The following CFAP46 variants were observed in gnomAD, a reference collection of about 807,000 sequenced individuals.
CFAP46 encodes the protein cilia and flagella associated protein 46.
In CFAP46, 245 loss-of-function variants were observed where a neutral mutation model predicts 325.7. The ratio of observed to expected loss-of-function variants is 0.75; its 90% CI spans 0.68 to 0.84. The LOEUF is 0.84. Ranked by LOEUF, CFAP46 falls within the 40% of genes least tolerant of loss-of-function variation. The pLI is 0.00. For missense variants in CFAP46, 3,346 were observed against 3,543.0 expected, an observed-to-expected ratio of 0.94 and a Z score of 1.41; for synonymous variants, 1,523 against 1,495.9, an observed-to-expected ratio of 1.02 and a Z score of -0.42.
rs1406314051 is a variant in CFAP46, at chr10:132,828,302, A to G, written c.7117+5056T>C. On this transcript the variant is annotated intron_variant, in intron 50 of 57. Transcript: ENST00000368586. This position sits in a 1 kb window ranked among gnomAD's most constrained non-coding sequence, Gnocchi z 4.9. Reference sequence around the variant, plus strand: ...AACTGTCTTCCAAAGTGGCTCCAGCATTCACCATTCCCACCAGCCGAGTAT... The same window carrying G: ...AACTGTCTTCCAAAGTGGCTCCAGCGTTCACCATTCCCACCAGCCGAGTAT... Among the ~76,000 whole-genome samples the G allele has an allele frequency of 6.6e-6, 1 of 152,220 alleles. No homozygotes were observed. The highest frequency in any genetic ancestry group is 2.4e-5 in the African/African-American group (1 of 41,462).
chr10:132,912,602 CTCCTCTCT>C, intron 19 of CFAP46, 45 bp downstream of exon 19: 2 of 1,408,860 alleles, frequency 1.4e-6, no homozygotes, highest in Non-Finnish European at 9.4e-7. Flanking sequence ...TCTCTCCTCT[CTCCTCTCT>C]CTCTCTCTCT....
chr10:132,822,192 ACTGTGTG>A, intron 50 of CFAP46, among the ~76,000 whole-genome samples: 1 of 81,216 alleles, frequency 1.2e-5, no homozygotes, highest in South Asian at 4.6e-4. Context: ...TGATGTGTGC[ACTGTGTG>A]CTGTGTGTGT....
chr10:132,908,671 G>A lies in CFAP46; in HGVS notation c.2758-37C>T, dbSNP rs1849495465. 2.7e-6 allele frequency: 4 copies of A among 1,494,938 alleles called. No homozygotes were observed. In the South Asian group the frequency reaches 4.0e-5, roughly 15 times the overall value. 92.6% of individuals were successfully genotyped at this position (1,494,938 alleles called of 1,614,324 possible). ...TGGCAAGAGAAGGGGCACCGTGTTA[G>A]CAACAACGAACTTCCCACGGCCTGC... On this transcript the variant is annotated intron_variant, in intron 21 of 57. Transcript: ENST00000368586.
chr10:132,823,507 T>TGC (rs1847941221), intron 50 of CFAP46, among the ~76,000 whole-genome samples: 1 of 127,482 alleles, frequency 7.8e-6, no homozygotes, highest in Non-Finnish European at 1.7e-5. Flanking sequence ...GTGTGCTGTG[T>TGC]GCTGATGTGT....
intron 55 of CFAP46, among the ~76,000 whole-genome samples, 163 bp from the exon 56 acceptor site, chr10:132,811,194 A>AC (rs1847575380): frequency 6.6e-6 from 1 of 151,716 alleles, no homozygotes; most frequent in African/African-American, 2.4e-5. Context: ...TTTTCCAGGG[A>AC]CCCCCTGGCC....
chr10:132,926,157 T>C (rs1344461859), intron 10 of CFAP46, among the ~76,000 whole-genome samples: 4 of 152,192 alleles, frequency 2.6e-5, no homozygotes, highest in African/African-American at 9.7e-5. Flanking sequence ...GGGCCGGCGG[T>C]GGCTTTTGCC....
intron 24 of CFAP46, among the ~76,000 whole-genome samples, chr10:132,898,342 A>G (rs1160323433): frequency 6.6e-6 from 1 of 152,212 alleles, no homozygotes; most frequent in African/African-American, 2.4e-5. Flanking sequence ...GTGCCCAGCG[A>G]GAAGCTGGCC....
chr10:132,920,805 G>A (rs1016436740), intron 13 of CFAP46, among the ~76,000 whole-genome samples: 18 of 152,178 alleles, frequency 1.2e-4, no homozygotes, highest in African/African-American at 3.4e-4. Flanking sequence ...GCAGGGCCCC[G>A]CAGCACCTCC....
intron 8 of CFAP46, among the ~76,000 whole-genome samples, chr10:132,931,084 C>G: frequency 2.3e-5 from 2 of 87,426 alleles, no homozygotes; most frequent in East Asian, 4.4e-4. Context: ...CCACACAGAG[C>G]CTGGGCCTCC....
At chr10:132,903,006 C>T (rs112316465) in intron 22 of CFAP46, among the ~76,000 whole-genome samples, 12,468 of 145,224 alleles carry the variant, frequency 0.086, 1,510 homozygotes, top group African/African-American at 0.25. Flanking sequence ...CAGTGAGTTA[C>T]GCCCCAGTGT....
At chr10:132,923,485 G>A (rs1273811444) in intron 11 of CFAP46, among the ~76,000 whole-genome samples, 1 of 145,216 alleles carries the variant, frequency 6.9e-6, no homozygotes, top group African/African-American at 2.6e-5. Flanking sequence ...GGGTGCCCTG[G>A]AACCCCTGGC....
intron 22 of CFAP46, 150 bp downstream of exon 22, chr10:132,908,318 C>G: frequency 1.1e-6 from 1 of 942,152 alleles, no homozygotes; most frequent in African/African-American, 1.7e-5. Context: ...CACACGCGCC[C>G]TGATCTGTGA....
intron 49 of CFAP46, 52 bp from the exon 50 acceptor site, chr10:132,833,577 A>T (rs752535251): frequency 1.9e-6 from 3 of 1,572,422 alleles, no homozygotes; most frequent in Non-Finnish European, 2.6e-6. Flanking sequence ...GACCCCTCCC[A>T]CGGGGTCGCA....
intron 48 of CFAP46, 101 bp downstream of exon 48, chr10:132,834,553 C>A: frequency 6.7e-7 from 1 of 1,503,290 alleles, no homozygotes; most frequent in Non-Finnish European, 8.9e-7. Context: ...ACAAAGGCGG[C>A]CGAGAAGGCA....
rs1848662931 is a variant in CFAP46, at chr10:132,857,693, C to T, written c.5471G>A (p.Gly1824Glu). Residue 1824 changes from glycine (G) to glutamate (E), a missense_variant, in exon 39 of 58, where the codon GGG becomes GAG. Transcript: ENST00000368586. ...LAQGAVAEEE[G>E]RLHSIQGLYG... The stretch of plus-strand genomic sequence containing the variant: ...TAAGCCCTGGATGCTGTGAAGCCTC[C>T]CTTCTTCCTCAGCTACGGCACCCTG... 5.0e-6 allele frequency: 8 copies of T among 1,613,622 alleles called. No homozygotes were observed. Among genetic ancestry groups the T allele is most frequent in the Non-Finnish European group, 5.9e-6 (7 of 1,179,892 alleles).
At chr10:132,851,619 G>A (rs12411497) in intron 39 of CFAP46, among the ~76,000 whole-genome samples, 40,274 of 152,232 alleles carry the variant, frequency 0.26, 6,750 homozygotes, top group Admixed American at 0.46. Flanking sequence ...CGCACAGAGT[G>A]CTGTCTTTCC....
intron 37 of CFAP46, 39 bp from the exon 38 acceptor site, chr10:132,859,286 C>G: frequency 6.6e-7 from 1 of 1,525,132 alleles, no homozygotes; most frequent in Non-Finnish European, 8.8e-7. Context: ...GTCAGAAGCC[C>G]CAGGGCCGCG....
chr10:132,924,944 G>A (rs1849786133), intron 10 of CFAP46, 58 bp from the exon 11 acceptor site: 4 of 1,340,726 alleles, frequency 3.0e-6, no homozygotes, highest in African/African-American at 1.5e-5. Flanking sequence ...GCGGGGCTGG[G>A]GCGGCACCTG....
chr10:132,864,422 ACACCTGTCCCCAGTGCCTGAGACCTGCAC>A (rs1848776352), intron 35 of CFAP46, among the ~76,000 whole-genome samples: 1 of 105,074 alleles, frequency 9.5e-6, no homozygotes, highest in Admixed American at 9.9e-5. Context: ...AGACATGCAC[ACACCTGTCCCCAGTGCCTGAGACCTGCAC>A]ACACCTGTCC....
Sources: gnomAD v4.1 joint callset for allele counts (sites outside exome capture counted in the v4.1 genomes callset) on GRCh38, gnomAD v4.1.1 for gene constraint, Gnocchi (gnomAD v3.1) non-coding constraint, MANE v1.5 for transcripts, NCBI Gene and HGNC (gene_info 2026-07-23, HGNC 2026-07-21) for gene names.